Variants in VEPH1 observed in about 807,000 individuals in gnomAD.
The protein encoded by VEPH1 is ventricular zone expressed PH domain containing 1.
Under a neutral mutation model 85.2 loss-of-function variants are expected in VEPH1, and 80 were observed. The observed-to-expected ratio is 0.94, with a 90% CI of 0.78 to 1.13. VEPH1 has a LOEUF of 1.13. Ranked by LOEUF, VEPH1 falls within the 50% of genes most tolerant of loss-of-function variation. The probability of loss-of-function intolerance (pLI) is 0.00; values close to 1 mark genes in which losing one functional copy is unlikely to be tolerated. For missense variants in VEPH1, 955 were observed against 980.5 expected, an observed-to-expected ratio of 0.97 and a Z score of 0.35; for synonymous variants, 297 against 348.0, an observed-to-expected ratio of 0.85 and a Z score of 1.63.
At chr3:157,430,382 T>A (rs1296965802) in intron 4 of VEPH1, among the ~76,000 whole-genome samples, 1 of 152,248 alleles carries the variant, frequency 6.6e-6, no homozygotes, top group Non-Finnish European at 1.5e-5. Flanking sequence ...GTAGGAGTTA[T>A]ATCTCCAAGA....
chr3:157,324,801 C>A (rs1053290546), intron 9 of VEPH1, among the ~76,000 whole-genome samples: 1 of 151,972 alleles, frequency 6.6e-6, no homozygotes, highest in African/African-American at 2.4e-5. Flanking sequence ...TGAACATACA[C>A]GTGCATGTAT....
intron 11 of VEPH1, among the ~76,000 whole-genome samples, chr3:157,304,142 A>T (rs1559940320): frequency 6.6e-6 from 1 of 151,250 alleles, no homozygotes. Flanking sequence ...AAAACACTAG[A>T]TCTAAGCCTG....
At chr3:157,472,354 A>G (rs535095878) in intron 2 of VEPH1, among the ~76,000 whole-genome samples, 1 of 152,342 alleles carries the variant, frequency 6.6e-6, no homozygotes, top group East Asian at 1.9e-4. Flanking sequence ...TTTCTTCTAA[A>G]TAGCTAACCT....
chr3:157,503,358 C>G lies in VEPH1; in HGVS notation c.-239G>C, dbSNP rs897000010. On this transcript the variant is annotated 5_prime_UTR_variant, in exon 1 of 14. Coordinates refer to ENST00000362010, the MANE Select transcript of VEPH1 (RefSeq NM_001167912.2). The stretch of plus-strand genomic sequence containing the variant: ...AGAGCACTGCAGCTGGGACCCATGA[C>G]CATGCTCAGAGGCAGCCTTGCAGCT... 11 of 152,216 alleles carry G rather than the reference C, an allele frequency of 7.2e-5. No individual in the cohort carries two copies. Among genetic ancestry groups the G allele is most frequent in the African/African-American group, 2.7e-4 (11 of 41,462 alleles). 9.4% of individuals were successfully genotyped at this position (152,216 alleles called of 1,614,324 possible). A position where few individuals can be genotyped will look rare whatever the true frequency, so the allele number is the denominator to read the frequency against.
At chr3:157,359,703 G>A (rs1725829678) in intron 9 of VEPH1, among the ~76,000 whole-genome samples, 1 of 152,188 alleles carries the variant, frequency 6.6e-6, no homozygotes. Context: ...CTGCTATACA[G>A]TGACCAGTGA....
intron 4 of VEPH1, among the ~76,000 whole-genome samples, chr3:157,439,942 G>C (rs1219678283): frequency 6.6e-6 from 1 of 152,052 alleles, no homozygotes; most frequent in African/African-American, 2.4e-5. Flanking sequence ...AGTAGAGACG[G>C]GGTTTCACCG....
At position 157,356,339 on chromosome 3, in the gene VEPH1, T is replaced by C. The variant is rs144700967; in HGVS notation, c.1735+7025A>G. 2.8e-3 allele frequency among the ~76,000 whole-genome samples: 430 copies of C among 152,332 alleles called. 5 individuals are homozygous for C. The East Asian group carries it at 0.043, about 15-fold the overall frequency. On this transcript the variant is annotated intron_variant, in intron 9 of 13. Transcript: ENST00000362010. The stretch of plus-strand genomic sequence containing the variant: ...ATTAGCTGTCTTTTACTCAGCTCTT[T>C]TTGCCTCAATCCAAGTAGACTCTGT...
chr3:157,313,883 G>A, intron 10 of VEPH1, 128 bp from the exon 11 acceptor site: 4 of 1,183,986 alleles, frequency 3.4e-6, no homozygotes, highest in South Asian at 1.6e-5. Flanking sequence ...AATGAAACAA[G>A]AAAAAGATCT....
At chr3:157,364,186 G>T in intron 8 of VEPH1, 117 bp downstream of exon 8, 2 of 720,896 alleles carry the variant, frequency 2.8e-6, no homozygotes, top group Non-Finnish European at 4.5e-6. Flanking sequence ...TGTAAGGATG[G>T]CACTTTGGGT....
chr3:157,324,377 T>A (rs1016982246), intron 9 of VEPH1, among the ~76,000 whole-genome samples: 1 of 152,154 alleles, frequency 6.6e-6, no homozygotes, highest in Non-Finnish European at 1.5e-5. Flanking sequence ...CAGGGGTACA[T>A]GTGCAGGATG....
At chr3:157,460,503 G>A in intron 3 of VEPH1, 148 bp from the exon 4 acceptor site, 1 of 1,100,224 alleles carries the variant, frequency 9.1e-7, no homozygotes, top group Non-Finnish European at 1.3e-6. Context: ...TTGTATTTGG[G>A]AATTCTGGGA....
In VEPH1 at chr3:157,363,655, T is replaced by C. The variant is rs1726304572; in HGVS notation, c.1444A>G (p.Ile482Val). Residue 482 changes from isoleucine (I) to valine (V), a missense_variant, in exon 9 of 14, where the codon ATA becomes GTA. Coordinates refer to ENST00000362010, the MANE Select transcript of VEPH1 (RefSeq NM_001167912.2). ...DIPASISLSE[I>V]DPLGQGNDKL... ...TCATTTCCTTGGCCAAGTGGGTCTA[T>C]TTCTGAAAGAGAGATGCTGGCTGGT... 1.2e-6 allele frequency: 2 copies of C among 1,614,054 alleles called. No homozygotes were observed. Among genetic ancestry groups the C allele is most frequent in the East Asian group, 4.5e-5 (2 of 44,892 alleles).
At chr3:157,399,622 T>C (rs1730665572) in intron 6 of VEPH1, among the ~76,000 whole-genome samples, 1 of 152,258 alleles carries the variant, frequency 6.6e-6, no homozygotes, top group South Asian at 2.1e-4. Flanking sequence ...TTTTTACAAT[T>C]AAAAAATTTC....
At chr3:157,359,251 G>A (rs1229505569) in intron 9 of VEPH1, among the ~76,000 whole-genome samples, 1 of 152,078 alleles carries the variant, frequency 6.6e-6, no homozygotes, top group African/African-American at 2.4e-5. Flanking sequence ...TCATGTGTGT[G>A]TTTTTTTGAC....
chr3:157,324,332 A>G (rs2108566855), intron 9 of VEPH1, among the ~76,000 whole-genome samples: 1 of 152,278 alleles, frequency 6.6e-6, no homozygotes, highest in South Asian at 2.1e-4. Context: ...TTCTGGGATT[A>G]CAGGCATGAA....
intron 2 of VEPH1, among the ~76,000 whole-genome samples, chr3:157,479,273 G>C (rs964874479): frequency 6.6e-6 from 1 of 152,166 alleles, no homozygotes; most frequent in African/African-American, 2.4e-5. Context: ...GCCAGACTTA[G>C]AGAGTCATTC....
chr3:157,369,195 A>AAC (rs1727190745), intron 7 of VEPH1, among the ~76,000 whole-genome samples: 3 of 147,378 alleles, frequency 2.0e-5, no homozygotes, highest in African/African-American at 7.4e-5. Context: ...AAAAAAAAAA[A>AAC]AAAAAAAAAC....
chr3:157,376,684 C>T (rs1728156100), intron 7 of VEPH1, among the ~76,000 whole-genome samples: 1 of 152,202 alleles, frequency 6.6e-6, no homozygotes, highest in East Asian at 1.9e-4. Context: ...TCTAACAAAA[C>T]TCACTTAATT....
intron 9 of VEPH1, among the ~76,000 whole-genome samples, chr3:157,326,353 TGGTGATAG>T: frequency 6.6e-6 from 1 of 152,178 alleles, no homozygotes; most frequent in Non-Finnish European, 1.5e-5. Flanking sequence ...ATGGTGGGAA[TGGTGATAG>T]AGTAGATATT....
Sources: allele counts gnomAD v4.1 joint callset (sites outside exome capture counted in the v4.1 genomes callset), GRCh38; gene constraint gnomAD v4.1.1; transcripts MANE v1.5; gene names NCBI Gene and HGNC (gene_info 2026-07-23, HGNC 2026-07-21).